DIAPH2: variants seen among roughly 807,000 people sequenced by gnomAD.
DIAPH2 encodes the protein protein diaphanous homolog 2.
A neutral mutation model predicts 92.7 loss-of-function variants in DIAPH2; 35 were observed. That is an observed-to-expected ratio of 0.38 (90% confidence interval 0.29 to 0.50). DIAPH2 has a LOEUF of 0.50. Ranked by LOEUF, DIAPH2 falls within the 20% of genes least tolerant of loss-of-function variation. DIAPH2 has a pLI of 0.94. For synonymous variants in DIAPH2, 301 were observed against 280.4 expected (o/e 1.07, Z -0.73); for missense variants, 701 against 819.5 (o/e 0.86, Z 1.77).
chrX:97,058,866 G>A (rs1473974670), intron 17 of DIAPH2, among the ~76,000 whole-genome samples: 4 of 111,763 alleles, frequency 3.6e-5, no homozygotes, highest in Admixed American at 2.9e-4. Flanking sequence ...TTCCCTACAA[G>A]TTTATAACTT....
chrX:97,089,971 G>A (rs890956288), intron 19 of DIAPH2, among the ~76,000 whole-genome samples: 2 of 111,798 alleles, frequency 1.8e-5, no homozygotes, highest in Middle Eastern at 4.6e-3. Flanking sequence ...CTTGTGATCT[G>A]CCCGCTTCAG....
intron 1 of DIAPH2, among the ~76,000 whole-genome samples, chrX:96,704,516 G>A (rs1317646398): frequency 9.0e-6 from 1 of 111,646 alleles, no homozygotes; most frequent in Non-Finnish European, 1.9e-5. Flanking sequence ...TCATAAATGT[G>A]ATAGTGCTGG....
chrX:97,333,073 G>C (rs1263870943), intron 23 of DIAPH2, among the ~76,000 whole-genome samples: 1 of 111,757 alleles, frequency 8.9e-6, no homozygotes, highest in Non-Finnish European at 1.9e-5. Context: ...GATATTTCCA[G>C]AATATCCTAT....
At chrX:96,796,143 C>CT (rs1444259909) in intron 4 of DIAPH2, among the ~76,000 whole-genome samples, 1 of 111,567 alleles carries the variant, frequency 9.0e-6, no homozygotes, top group East Asian at 2.8e-4. Context: ...TTCTAATTTC[C>CT]TTTTTTTGTT....
At chrX:97,096,516 C>T (rs1394061557) in intron 19 of DIAPH2, among the ~76,000 whole-genome samples, 4 of 111,467 alleles carry the variant, frequency 3.6e-5, no homozygotes, top group African/African-American at 1.3e-4. Context: ...CATGTGGCAA[C>T]TGTGGGTTCT....
intron 22 of DIAPH2, among the ~76,000 whole-genome samples, chrX:97,210,460 G>C (rs1276597543): frequency 9.0e-6 from 1 of 111,595 alleles, no homozygotes; most frequent in East Asian, 2.8e-4. Context: ...CCCGAAGCTA[G>C]AAATGTCTCC....
chrX:97,480,346 A>C (rs1389282537), intron 26 of DIAPH2, among the ~76,000 whole-genome samples: 1 of 111,844 alleles, frequency 8.9e-6, no homozygotes, highest in Non-Finnish European at 1.9e-5. Context: ...TCTCCATCAG[A>C]ACCTTCAAAA....
At chrX:97,534,917 C>T (rs1236785245) in intron 26 of DIAPH2, among the ~76,000 whole-genome samples, 1 of 111,290 alleles carries the variant, frequency 9.0e-6, no homozygotes, top group Non-Finnish European at 1.9e-5. Context: ...CTGTCTTCCC[C>T]GAGAACATAT....
At chrX:96,885,097 G>T in intron 5 of DIAPH2, 1 of 1,198,482 alleles carries the variant, frequency 8.3e-7, no homozygotes. Context: ...TGCTGATTGA[G>T]GCAGGGAAAA....
intron 9 of DIAPH2, among the ~76,000 whole-genome samples, chrX:96,929,672 A>G (rs1472889912): frequency 9.0e-6 from 1 of 111,253 alleles, no homozygotes; most frequent in Non-Finnish European, 1.9e-5. Flanking sequence ...GTCTTTCGGT[A>G]ATATATTTTT....
At chrX:97,069,117 C>A (rs2066652417) in intron 17 of DIAPH2, among the ~76,000 whole-genome samples, 1 of 110,486 alleles carries the variant, frequency 9.1e-6, no homozygotes, top group Non-Finnish European at 1.9e-5. Context: ...CGCCCACCAC[C>A]ACGCCCGGCT....
intron 23 of DIAPH2, among the ~76,000 whole-genome samples, chrX:97,318,561 C>T (rs1326151444): frequency 1.1e-5 from 1 of 87,931 alleles, no homozygotes; most frequent in African/African-American, 4.5e-5. Context: ...GGCATAATCT[C>T]GGCTCACTGC....
chrX:96,909,043 C>T (rs2065452956), intron 5 of DIAPH2, among the ~76,000 whole-genome samples: 1 of 111,713 alleles, frequency 9.0e-6, no homozygotes, highest in African/African-American at 3.3e-5. Context: ...TGTTCCCTGC[C>T]AGTGGTTCTC....
intron 25 of DIAPH2, among the ~76,000 whole-genome samples, chrX:97,402,636 A>G (rs1278836420): frequency 8.9e-6 from 1 of 111,751 alleles, no homozygotes; most frequent in East Asian, 2.8e-4. Flanking sequence ...TTCTGCTTTC[A>G]ATTTTATTTT....
In DIAPH2 at chrX:96,937,233, G is replaced by T; in HGVS notation, c.1090G>T (p.Asp364Tyr). The T allele has an allele frequency of 9.4e-7, 1 of 1,063,536 alleles. No homozygotes were observed. Among genetic ancestry groups the T allele is most frequent in the Non-Finnish European group, 1.3e-6 (1 of 780,421 alleles). 87.6% of individuals were successfully genotyped at this position (1,063,536 alleles called of 1,213,427 possible). ...GTTAAATTTTATGTTTATATATTAGGATCTAAAAGAAAAAGAGAATGATGA... is the reference window on the plus strand; with the variant it reads ...GTTAAATTTTATGTTTATATATTAGTATCTAAAAGAAAAAGAGAATGATGA... ...LRSGLKTMLP[D>Y]LKEKENDELD... Residue 364 changes from aspartate (D) to tyrosine (Y), a missense_variant and splice_region_variant, in exon 11 of 27, where the codon GAT becomes TAT. Asp to Tyr is a radical substitution (Grantham distance 160). Around this residue, in one of 3 missense-constraint regions of DIAPH2, gnomAD observed 536 missense variants for 599.3 expected, o/e 0.89. Coordinates refer to ENST00000324765, the MANE Select transcript of DIAPH2 (RefSeq NM_006729.5).
chrX:96,866,288 T>G (rs756317286), intron 4 of DIAPH2, among the ~76,000 whole-genome samples: 106 of 112,127 alleles, frequency 9.5e-4, no homozygotes, highest in African/African-American at 3.4e-3. Context: ...TAAGTGGATC[T>G]GCATAACAAT....
chrX:97,001,631 G>A (rs973017115), intron 17 of DIAPH2, among the ~76,000 whole-genome samples: 2 of 111,492 alleles, frequency 1.8e-5, no homozygotes, highest in Non-Finnish European at 3.8e-5. Context: ...GGGCAACAAT[G>A]TGAGACTCCA....
At chrX:97,015,208 T>A (rs1053595063) in intron 17 of DIAPH2, among the ~76,000 whole-genome samples, 2 of 111,792 alleles carry the variant, frequency 1.8e-5, no homozygotes, top group Non-Finnish European at 3.8e-5. Flanking sequence ...AGGCTACATA[T>A]AGTGTTACAG....
chrX:97,093,207 AAG>A (rs764194301), intron 19 of DIAPH2, among the ~76,000 whole-genome samples: 2 of 94,631 alleles, frequency 2.1e-5, no homozygotes, highest in Admixed American at 1.1e-4. Context: ...GAAAGAACGA[AAG>A]AGAGAGAGAG....
Sources: gnomAD v4.1 joint callset for allele counts (sites outside exome capture counted in the v4.1 genomes callset) on GRCh38, gnomAD v4.1.1 for gene constraint, gnomAD v4.1.1 regional missense constraint, MANE v1.5 for transcripts, NCBI Gene and HGNC (gene_info 2026-07-23, HGNC 2026-07-21) for gene names.